KIF24: variants seen among roughly 807,000 people sequenced by gnomAD.
The protein encoded by KIF24 is kinesin-like protein KIF24.
In KIF24, 81 loss-of-function variants were observed where a neutral mutation model predicts 118.9. That is an observed-to-expected ratio of 0.68 (90% CI 0.57 to 0.82). The LOEUF (loss-of-function observed/expected upper bound fraction) is 0.82. KIF24 is among the 40% of genes least tolerant of loss of function. KIF24 has a pLI of 0.00. For missense variants in KIF24, 1,560 were observed against 1,661.6 expected (o/e 0.94, Z 1.06); for synonymous variants, 599 against 610.0 (o/e 0.98, Z 0.27).
rs1834728222 is a variant in KIF24, at chr9:34,254,293, A to G, written c.*87T>C. Reference sequence around the variant, plus strand: ...CCAGCGTGTGGGTTCTGGTGTGTGCAGGGAGGACCTGGCAGAGGCTCCTCC... The same window carrying G: ...CCAGCGTGTGGGTTCTGGTGTGTGCGGGGAGGACCTGGCAGAGGCTCCTCC... On this transcript the variant is annotated 3_prime_UTR_variant, in exon 13 of 13. Coordinates refer to ENST00000402558, the MANE Select transcript of KIF24 (RefSeq NM_194313.4). The G allele has an allele frequency of 1.4e-6, 2 of 1,417,724 alleles. No homozygotes were observed. The highest frequency in any genetic ancestry group is 1.9e-6 in the Non-Finnish European group (2 of 1,068,114). The allele number at this position is 1,417,724 out of a possible 1,614,324, so 87.8% of individuals were successfully genotyped here. A position where few individuals can be genotyped will look rare whatever the true frequency, so the allele number is the denominator to read the frequency against.
chr9:34,314,027 A>G (rs912950632), intron 1 of KIF24, among the ~76,000 whole-genome samples: 7 of 150,598 alleles, frequency 4.6e-5, no homozygotes, highest in African/African-American at 1.7e-4. Context: ...AAGCGGTGGG[A>G]TTACAGGTAT....
intron 3 of KIF24, among the ~76,000 whole-genome samples, chr9:34,300,222 T>C (rs1487743136): frequency 1.5e-5 from 2 of 130,678 alleles, no homozygotes; most frequent in Non-Finnish European, 3.6e-5. Context: ...TGTGAACTTT[T>C]AGTGCTTTGA....
chr9:34,252,604 T>TG lies in KIF24; in HGVS notation c.*1775dup, dbSNP rs761337047. The TG allele has an allele frequency of 6.6e-6, 1 of 152,600 alleles. No homozygotes were observed. The highest frequency in any genetic ancestry group is 1.5e-5 in the Non-Finnish European group (1 of 68,048). The allele number at this position is 152,600 out of a possible 1,614,324, so 9.5% of individuals were successfully genotyped here. A position where few individuals can be genotyped will look rare whatever the true frequency, so the allele number is the denominator to read the frequency against. ...CCATGTGGTGTATAAAGAGATTTCTTGCTTAGATTTGCTGGGGATAGAATA... is the reference window on the plus strand; with the variant it reads ...CCATGTGGTGTATAAAGAGATTTCTTGGCTTAGATTTGCTGGGGATAGAATA... On this transcript the variant is annotated 3_prime_UTR_variant, in exon 13 of 13. Coordinates refer to ENST00000402558, the MANE Select transcript of KIF24 (RefSeq NM_194313.4).
intron 3 of KIF24, among the ~76,000 whole-genome samples, chr9:34,300,511 G>GGTGAC (rs1836658584): frequency 6.6e-6 from 1 of 151,732 alleles, no homozygotes; most frequent in Non-Finnish European, 1.5e-5. Flanking sequence ...TGGGATTACA[G>GGTGAC]TGCCCACCAC....
chr9:34,253,884 T>TC lies in KIF24; in HGVS notation c.*495dup, dbSNP rs1249192974. On this transcript the variant is annotated 3_prime_UTR_variant, in exon 13 of 13. Coordinates refer to ENST00000402558, the MANE Select transcript of KIF24 (RefSeq NM_194313.4). ...TGGGGCAGAGCTCACCCCACCCCTGTCCCCCTAGCACCAATGGTTAAGTTT... is the reference window on the plus strand; with the variant it reads ...TGGGGCAGAGCTCACCCCACCCCTGTCCCCCCTAGCACCAATGGTTAAGTTT... 6.6e-6 allele frequency: 1 copy of TC among 152,644 alleles called. No homozygotes were observed. Among genetic ancestry groups the TC allele is most frequent in the Non-Finnish European group, 1.5e-5 (1 of 68,400 alleles). The allele number at this position is 152,644 out of a possible 1,614,324, so 9.5% of individuals were successfully genotyped here. A position where few individuals can be genotyped will look rare whatever the true frequency, so the allele number is the denominator to read the frequency against.
At chr9:34,325,319 T>C (rs1043348622) in intron 1 of KIF24, among the ~76,000 whole-genome samples, 3 of 140,432 alleles carry the variant, frequency 2.1e-5, no homozygotes, top group Non-Finnish European at 4.6e-5. Flanking sequence ...CACTCCAGCC[T>C]GGGCAGTAGG....
chr9:34,309,793 T>C (rs1245441035), intron 2 of KIF24, among the ~76,000 whole-genome samples: 1 of 152,134 alleles, frequency 6.6e-6, no homozygotes, highest in Non-Finnish European at 1.5e-5. Context: ...TCTATTTTTA[T>C]GGAGTAAAAT....
intron 9 of KIF24, among the ~76,000 whole-genome samples, chr9:34,260,429 T>C (rs1024434757): frequency 5.9e-5 from 9 of 152,278 alleles, no homozygotes; most frequent in South Asian, 2.1e-4. Context: ...CACAGAAAGA[T>C]ATCTAAAGCT....
At chr9:34,288,853 C>CACACAT (rs1836148700) in intron 5 of KIF24, among the ~76,000 whole-genome samples, 1 of 55,876 alleles carries the variant, frequency 1.8e-5, no homozygotes, top group African/African-American at 4.8e-5. Context: ...ATAAACCACA[C>CACACAT]ACACACACAC....
upstream of KIF24, chr9:34,329,656 G>A (rs1290426274): frequency 3.3e-5 from 5 of 152,358 alleles, no homozygotes; most frequent in Admixed American, 1.3e-4. Context: ...AATGAGCCTT[G>A]GAGCGATGGG....
chr9:34,321,451 T>C (rs966699207), intron 1 of KIF24, among the ~76,000 whole-genome samples: 3 of 151,970 alleles, frequency 2.0e-5, no homozygotes, highest in Admixed American at 6.6e-5. Context: ...AAATTAGATA[T>C]GTTAAAGTAC....
chr9:34,311,748 G>A (rs12686016), intron 1 of KIF24, among the ~76,000 whole-genome samples: 5 of 132,982 alleles, frequency 3.8e-5, no homozygotes, highest in African/African-American at 1.1e-4. Flanking sequence ...ACATATATAC[G>A]TATATATGTG....
intron 2 of KIF24, 116 bp downstream of exon 2, chr9:34,310,608 T>C: frequency 1.5e-6 from 1 of 661,226 alleles, no homozygotes; most frequent in Non-Finnish European, 2.5e-6. Context: ...TGATAATTTC[T>C]GTTATATTCA....
chr9:34,281,866 G>A (rs554016462), intron 6 of KIF24, among the ~76,000 whole-genome samples: 1 of 152,284 alleles, frequency 6.6e-6, no homozygotes, highest in Admixed American at 6.5e-5. Context: ...CTTGTTGGAT[G>A]TACTAGAAGA....
intron 2 of KIF24, among the ~76,000 whole-genome samples, chr9:34,306,780 C>T (rs968951926): frequency 3.3e-5 from 5 of 150,676 alleles, no homozygotes; most frequent in African/African-American, 7.3e-5. Flanking sequence ...CCAGCCTGGG[C>T]GACAGAGCCA....
rs370706129 is a variant in KIF24 at position 34,310,908 on chromosome 9, A to T, written c.439T>A (p.Tyr147Asn). Residue 147 changes from tyrosine (Y) to asparagine (N), a missense_variant, in exon 2 of 13, where the codon TAC becomes AAC. By Grantham distance (143) the Tyr-to-Asn change is moderately radical (BLOSUM62 -2). Transcript: ENST00000402558. ...LEHMLPDDSQ[Y>N]HTKTGILNAT... ...TTCAGAATTCCTGTTTTTGTATGGT[A>T]CTGGGAATCATCTGGTAGCATGTGT... The T allele has an allele frequency of 1.2e-6, 2 of 1,613,592 alleles. No individual in the cohort carries two copies. Among genetic ancestry groups the T allele is most frequent in the African/African-American group, 2.7e-5 (2 of 74,934 alleles).
chr9:34,266,505 G>A (rs1381099486), intron 8 of KIF24, among the ~76,000 whole-genome samples: 1 of 151,654 alleles, frequency 6.6e-6, no homozygotes, highest in Non-Finnish European at 1.5e-5. Context: ...GGTGAAACCG[G>A]GTCTCTACTA....
chr9:34,280,226 G>A (rs1339706570), intron 6 of KIF24, among the ~76,000 whole-genome samples: 1 of 138,828 alleles, frequency 7.2e-6, no homozygotes, highest in Non-Finnish European at 1.5e-5. Flanking sequence ...GGAGCTTGCA[G>A]TGAGCCAAGA....
chr9:34,281,650 T>G (rs1025227858), intron 6 of KIF24, among the ~76,000 whole-genome samples: 1 of 152,086 alleles, frequency 6.6e-6, no homozygotes, highest in African/African-American at 2.4e-5. Context: ...AGATCAAGAG[T>G]AGAATCAGCT....
Sources: gnomAD v4.1 joint callset for allele counts (sites outside exome capture counted in the v4.1 genomes callset) on GRCh38, gnomAD v4.1.1 for gene constraint, MANE v1.5 for transcripts, NCBI Gene and HGNC (gene_info 2026-07-23, HGNC 2026-07-21) for gene names.